TAF4: variants seen among roughly 807,000 people sequenced by gnomAD.
The protein encoded by TAF4 is transcription initiation factor TFIID subunit 4.
TAF4 carries 9 observed loss-of-function variants against 90.3 expected under a neutral mutation model. The observed-to-expected ratio is 0.10, with a 90% CI of 0.06 to 0.17. The LOEUF is 0.17. Among genes scored for constraint, TAF4 ranks in the 10% least tolerant of loss-of-function variants. TAF4 has a pLI of 1.00. For synonymous variants in TAF4, 818 were observed against 638.9 expected, an observed-to-expected ratio of 1.28 and a Z score of -4.23; for missense variants, 1,351 against 1,370.7, an observed-to-expected ratio of 0.99 and a Z score of 0.23.
chr20:62,065,348 C>CG lies in TAF4; in HGVS notation c.462dup (p.Ala155ArgfsTer307). ...GGGCCGGCGGGCTTGGCGGGGCCGG[C>CG]GGGGGCGGGCTCGGGCCCCGCGGCG... On this transcript the variant is annotated frameshift_variant, in exon 1 of 15. Coordinates refer to ENST00000252996, the MANE Select transcript of TAF4 (RefSeq NM_003185.4). LOFTEE classifies it high-confidence loss of function. The CG allele has an allele frequency of 1.0e-6, 1 of 952,796 alleles. No individual in the cohort carries two copies. The highest frequency in any genetic ancestry group is 1.2e-6 in the Non-Finnish European group (1 of 812,748). The allele number at this position is 952,796 out of a possible 1,614,324, so 59.0% of individuals were successfully genotyped here.
chr20:61,993,642 G>T (rs752089156), intron 14 of TAF4, among the ~76,000 whole-genome samples: 65 of 152,234 alleles, frequency 4.3e-4, no homozygotes, highest in Non-Finnish European at 8.7e-4. Flanking sequence ...TTGCCATAAA[G>T]TCAGGGCAGC....
At chr20:62,009,340 C>A (rs1257108004) in intron 4 of TAF4, among the ~76,000 whole-genome samples, 166 bp from the exon 5 acceptor site, 1 of 152,238 alleles carries the variant, frequency 6.6e-6, no homozygotes, top group African/African-American at 2.4e-5. Flanking sequence ...ATGGGGCAGG[C>A]CAGCCACATC....
chr20:62,014,009 C>T (rs1054601362), intron 2 of TAF4, among the ~76,000 whole-genome samples: 4 of 133,040 alleles, frequency 3.0e-5, no homozygotes, highest in South Asian at 4.6e-4. Context: ...AAGGCTGACG[C>T]GGGGGTGTGG....
intron 1 of TAF4, chr20:62,064,248 G>T: frequency 2.0e-6 from 1 of 490,356 alleles, no homozygotes; most frequent in Non-Finnish European, 3.3e-6. Flanking sequence ...CAGGGACGCA[G>T]GCTATGCCGA....
In TAF4 at chr20:62,006,648, G is replaced by A. The variant is rs201473542; in HGVS notation, c.2085C>T (p.Ala695=). 1.6e-4 allele frequency: 257 copies of A among 1,599,954 alleles called. 1 individual carries two copies. The East Asian group carries it at 4.3e-3, about 27-fold the overall frequency. Residue 695 remains alanine (A), a synonymous_variant, in exon 7 of 15, where the codon GCC becomes GCT. Transcript: ENST00000252996. The surrounding 1 kb of genome is among the most constrained non-coding windows in gnomAD (Gnocchi z 7.0). ...PTSQATTALT[A]VVLSSSVQRT... ...GCTGGACCGAGCTACTCAGCACCAC[G>A]GCCGTGAGCGCAGTGGTGGCCTGCG...
chr20:62,010,627 C>T lies in TAF4; in HGVS notation c.1642-462G>A, dbSNP rs1166791714. ...GGTCAGGGCTCCACAGCCGCAGCCT[C>T]CCATAGGGGAGGGTCCCCAGCTCCC... On this transcript the variant is annotated intron_variant, in intron 3 of 14. Transcript: ENST00000252996. This position sits in a 1 kb window ranked among gnomAD's most constrained non-coding sequence, Gnocchi z 4.5. 1.5e-4 allele frequency among the ~76,000 whole-genome samples: 23 copies of T among 152,046 alleles called. No individual in the cohort carries two copies. The highest frequency in any genetic ancestry group is 1.5e-3 in the Admixed American group (23 of 15,282).
chr20:62,024,099 G>C (rs950774840), intron 1 of TAF4, among the ~76,000 whole-genome samples: 1 of 152,068 alleles, frequency 6.6e-6, no homozygotes, highest in Non-Finnish European at 1.5e-5. Flanking sequence ...CAGTAACCAG[G>C]ACAGCACAGT....
intron 1 of TAF4, among the ~76,000 whole-genome samples, chr20:62,049,655 C>A (rs992719459): frequency 3.8e-5 from 2 of 52,302 alleles, no homozygotes; most frequent in East Asian, 5.5e-4. Flanking sequence ...CACCCTGCCC[C>A]TCATCCACCG....
In TAF4 at chr20:62,065,001, CGGGGCGGCGGCGGGGGCGGCGGGCGCG is replaced by C; in HGVS notation, c.783_809del (p.Ala262_Pro270del). 1.4e-5 allele frequency: 2 copies of C among 145,988 alleles called. No individual in the cohort carries two copies. The highest frequency in any genetic ancestry group is 8.3e-6 in the Non-Finnish European group (1 of 120,664). The allele number at this position is 145,988 out of a possible 1,614,324, so 9.0% of individuals were successfully genotyped here. A position where few individuals can be genotyped will look rare whatever the true frequency, so the allele number is the denominator to read the frequency against. The stretch of plus-strand genomic sequence containing the variant: ...TGGCGGGCGCGGGGGGTGGCGGGGG[CGGGGCGGCGGCGGGGGCGGCGGGCGCG>C]GGGGCGGCGGGGGGCGAGGGCGCGG... On this transcript the variant is annotated inframe_deletion, in exon 1 of 15. Transcript: ENST00000252996.
In TAF4 at chr20:62,000,608, C is replaced by T. The variant is rs766266810; in HGVS notation, c.2600G>A (p.Cys867Tyr). The change falls in exon 10 of 15, where the codon TGT (cysteine) becomes TAT (tyrosine). Residue 867 changes from cysteine (C) to tyrosine (Y), a missense_variant. Cys to Tyr is a radical substitution (Grantham distance 194). Coordinates refer to ENST00000252996, the MANE Select transcript of TAF4 (RefSeq NM_003185.4). ...TTGGAGGAGGAAGGTTTCATCTTTA[C>T]AGGACCGCGTTAGCGTGCCCACCAA... The part of the protein sequence containing the change: ...SELVGTLTRS[C>Y]KDETFLLQAP... 1 of 1,614,268 alleles carries T rather than the reference C, an allele frequency of 6.2e-7. No homozygotes were observed. The highest frequency in any genetic ancestry group is 1.3e-5 in the African/African-American group (1 of 75,080).
At chr20:62,012,609 A>AG in intron 3 of TAF4, 1 of 577,392 alleles carries the variant, frequency 1.7e-6, no homozygotes, top group Non-Finnish European at 2.6e-6. Context: ...ACTAAAAAAA[A>AG]GAAAAAAGAA....
intron 1 of TAF4, among the ~76,000 whole-genome samples, chr20:62,056,698 C>A (rs1179017366): frequency 6.6e-6 from 1 of 152,124 alleles, no homozygotes; most frequent in Non-Finnish European, 1.5e-5. Flanking sequence ...GCAGCAGACA[C>A]AGGCTGAAGT....
chr20:62,056,490 A>G (rs2056064881), intron 1 of TAF4, among the ~76,000 whole-genome samples: 1 of 152,220 alleles, frequency 6.6e-6, no homozygotes, highest in African/African-American at 2.4e-5. Context: ...ACACACACAC[A>G]GTTAGACATG....
At chr20:62,030,580 G>A (rs181269790) in intron 1 of TAF4, among the ~76,000 whole-genome samples, 22 of 152,296 alleles carry the variant, frequency 1.4e-4, no homozygotes, top group South Asian at 1.0e-3. Flanking sequence ...GCCAGAGGAC[G>A]CACTCGCAGG....
chr20:62,007,323 C>T (rs986117999), intron 6 of TAF4, among the ~76,000 whole-genome samples: 1 of 152,216 alleles, frequency 6.6e-6, no homozygotes, highest in Non-Finnish European at 1.5e-5. Flanking sequence ...CCACCTTGCG[C>T]ACGACAGAAC....
Position 62,065,742 on chromosome 20 carries a change from G to T in TAF4, c.69C>A (p.Ser23Arg). 1 of 1,337,664 alleles carries T rather than the reference G, an allele frequency of 7.5e-7. No homozygotes were observed. Among genetic ancestry groups the T allele is most frequent in the Non-Finnish European group, 9.7e-7 (1 of 1,026,634 alleles). 82.9% of individuals were successfully genotyped at this position (1,337,664 alleles called of 1,614,324 possible). ...GCGACTCCAGCGAGCCCACCAGGTC[G>T]CTCACCACTTTCTCGTCCACCTCGC... ...FNSEVDEKVV[S>R]DLVGSLESQL... Residue 23 changes from serine to arginine, a missense_variant, in exon 1 of 15, where the codon AGC becomes AGA. Coordinates refer to ENST00000252996, the MANE Select transcript of TAF4 (RefSeq NM_003185.4).
intron 1 of TAF4, among the ~76,000 whole-genome samples, chr20:62,062,830 G>C (rs1002282900): frequency 1.3e-5 from 2 of 152,160 alleles, no homozygotes; most frequent in Non-Finnish European, 2.9e-5. Context: ...AAGAGGACCT[G>C]GCCAGCCCCA....
intron 14 of TAF4, among the ~76,000 whole-genome samples, chr20:61,993,746 G>C (rs530738201): frequency 6.6e-6 from 1 of 151,972 alleles, no homozygotes; most frequent in Non-Finnish European, 1.5e-5. Context: ...TTCTAGTTTG[G>C]TTTTTTTGTT....
At chr20:62,063,543 A>C (rs970851257) in intron 1 of TAF4, among the ~76,000 whole-genome samples, 10 of 152,150 alleles carry the variant, frequency 6.6e-5, no homozygotes, top group Admixed American at 6.5e-4. Context: ...CAGAGACAGC[A>C]GACTAGACAG....
Sources: gnomAD v4.1 joint callset for allele counts (sites outside exome capture counted in the v4.1 genomes callset) on GRCh38, gnomAD v4.1.1 for gene constraint, Gnocchi (gnomAD v3.1) non-coding constraint, MANE v1.5 for transcripts, NCBI Gene and HGNC (gene_info 2026-07-23, HGNC 2026-07-21) for gene names.